Variants in ANKFN1 observed in about 807,000 individuals in gnomAD.
The protein encoded by ANKFN1 is ankyrin repeat and fibronectin type-III domain-containing protein 1.
ANKFN1 carries 74 observed loss-of-function variants against 108.7 expected under a neutral mutation model. That is an observed-to-expected ratio of 0.68 (90% CI 0.56 to 0.83). The LOEUF (loss-of-function observed/expected upper bound fraction) is 0.83, where lower values mean the gene tolerates loss of function less well. Among genes scored for constraint, ANKFN1 ranks in the 40% least tolerant of loss-of-function variants. The pLI, the probability that ANKFN1 is intolerant of heterozygous loss-of-function variation, is 0.00. For synonymous variants in ANKFN1, 547 were observed against 516.2 expected, an observed-to-expected ratio of 1.06 and a Z score of -0.81; for missense variants, 1,505 against 1,382.3, an observed-to-expected ratio of 1.09 and a Z score of -1.41.
At chr17:56,047,130 T>C (rs750616229) in intron 4 of ANKFN1, among the ~76,000 whole-genome samples, 32 of 152,192 alleles carry the variant, frequency 2.1e-4, no homozygotes, top group Admixed American at 3.3e-4. Flanking sequence ...CAGTGCTGTA[T>C]ACCTTTGGGT....
chr17:56,273,197 A>G (rs929371083), intron 3 of ANKFN1, among the ~76,000 whole-genome samples: 12 of 152,316 alleles, frequency 7.9e-5, no homozygotes, highest in Non-Finnish European at 1.6e-4. Flanking sequence ...GACTAAATTT[A>G]TATGTACCTT....
chr17:56,072,106 T>C lies in ANKFN1; in HGVS notation c.288+25781T>C, dbSNP rs16956629. ...CATGTCAGTAAGATTTTTGAGGCTA[T>C]TGGGATAAATCTGTATACAGTATTC... On this transcript the variant is annotated intron_variant, in intron 4 of 12. Coordinates refer to the ANKFN1 transcript ENST00000635860. Among the ~76,000 whole-genome samples, 10 of 152,348 alleles carry C rather than the reference T, an allele frequency of 6.6e-5. No homozygotes were observed. In the South Asian group the frequency reaches 1.4e-3, roughly 22 times the overall value.
chr17:56,279,713 G>A (rs1317993845), intron 3 of ANKFN1, among the ~76,000 whole-genome samples: 2 of 152,140 alleles, frequency 1.3e-5, no homozygotes, highest in African/African-American at 4.8e-5. Flanking sequence ...ATTAGGCTTG[G>A]GTTGGAAGCT....
At chr17:56,221,161 G>C (rs1029865106) in intron 2 of ANKFN1, among the ~76,000 whole-genome samples, 1 of 152,042 alleles carries the variant, frequency 6.6e-6, no homozygotes, top group Admixed American at 6.6e-5. Context: ...ACTTTTAAAT[G>C]ACCAGAACTC....
intron 1 of ANKFN1, among the ~76,000 whole-genome samples, chr17:56,201,088 C>G (rs746637637): frequency 1.3e-5 from 2 of 152,116 alleles, no homozygotes; most frequent in Non-Finnish European, 2.9e-5. Flanking sequence ...AAATGACCAC[C>G]CCATCATGTC....
intron 4 of ANKFN1, among the ~76,000 whole-genome samples, chr17:56,116,863 G>A (rs1906313981): frequency 6.6e-6 from 1 of 152,076 alleles, no homozygotes; most frequent in East Asian, 1.9e-4. Context: ...ACCTTTCTAG[G>A]GGATGGTGAC....
At chr17:56,426,263 C>T (rs1261610839) in intron 8 of ANKFN1, among the ~76,000 whole-genome samples, 7 of 152,186 alleles carry the variant, frequency 4.6e-5, no homozygotes, top group Non-Finnish European at 1.0e-4. Context: ...TCCTTTCTTT[C>T]AACCACATTC....
At position 56,507,115 on chromosome 17, in the gene ANKFN1, G is replaced by A. The variant is rs1214258673; in HGVS notation, c.2645-3358G>A. ...AGTCAATTATGAATTCTTTGCATGG[G>A]TCCTATTTCAAGAGCAATTTCAAAT... On this transcript the variant is annotated intron_variant, in intron 20 of 20. Transcript: ENST00000682825. Among the ~76,000 whole-genome samples the A allele has an allele frequency of 2.6e-5, 4 of 152,086 alleles. No individual in the cohort carries two copies. In the South Asian group the frequency reaches 8.3e-4, roughly 32 times the overall value.
chr17:56,134,465 C>G (rs1235643202), intron 4 of ANKFN1, among the ~76,000 whole-genome samples: 3 of 152,110 alleles, frequency 2.0e-5, no homozygotes, highest in Non-Finnish European at 4.4e-5. Context: ...GGCCCCTATC[C>G]AGGAGCCCAC....
chr17:56,091,217 G>T (rs1364659110), intron 4 of ANKFN1, among the ~76,000 whole-genome samples: 1 of 151,018 alleles, frequency 6.6e-6, no homozygotes, highest in East Asian at 1.9e-4. Flanking sequence ...AAAGAAGTTG[G>T]TAAATGGTTC....
chr17:56,111,521 C>CAA (rs201360564), intron 4 of ANKFN1, among the ~76,000 whole-genome samples: 9,634 of 101,534 alleles, frequency 0.095, 377 homozygotes, highest in Admixed American at 0.15. Context: ...TCATAAATGG[C>CAA]AAAAAAAAAA....
At chr17:56,278,859 T>C (rs1210810087) in intron 3 of ANKFN1, among the ~76,000 whole-genome samples, 1 of 152,214 alleles carries the variant, frequency 6.6e-6, no homozygotes, top group Admixed American at 6.5e-5. Flanking sequence ...CTTGAAGTGA[T>C]AAAAACTGTG....
intron 1 of ANKFN1, among the ~76,000 whole-genome samples, chr17:56,157,464 G>A (rs1171607132): frequency 5.3e-5 from 8 of 152,142 alleles, no homozygotes; most frequent in Admixed American, 2.0e-4. Context: ...AGCACACTGG[G>A]AAACAATGCT....
chr17:56,509,154 C>T (rs1039168939), intron 20 of ANKFN1, among the ~76,000 whole-genome samples: 3 of 152,172 alleles, frequency 2.0e-5, no homozygotes, highest in South Asian at 2.1e-4. Flanking sequence ...TATACAGATG[C>T]GCCACAATTT....
At chr17:56,462,779 A>G (rs8081597) in intron 14 of ANKFN1, among the ~76,000 whole-genome samples, 86,419 of 151,962 alleles carry the variant, frequency 0.57, 27,116 homozygotes, top group East Asian at 0.87. Context: ...AAAGCCTCCA[A>G]AGTCATCCCT....
rs1048170238 is a variant in ANKFN1 at position 56,127,828 on chromosome 17, A to G, written c.288+81503A>G. On this transcript the variant is annotated intron_variant, in intron 4 of 12. Transcript: ENST00000635860. ...TTTCAGCAAAGCTTGTTTGTGGAGAAAGGAAGAACTGGGGGCTAGGTAGTG... is the reference window on the plus strand; with the variant it reads ...TTTCAGCAAAGCTTGTTTGTGGAGAGAGGAAGAACTGGGGGCTAGGTAGTG... Among the ~76,000 whole-genome samples, 5 of 152,210 alleles carry G rather than the reference A, an allele frequency of 3.3e-5. No homozygotes were observed. The East Asian group carries it at 9.6e-4, about 29-fold the overall frequency.
Position 56,209,048 on chromosome 17 carries a change from C to A in ANKFN1, c.-70-3550C>A, listed in dbSNP as rs1598241610. On this transcript the variant is annotated intron_variant, in intron 1 of 20. Transcript: ENST00000682825. ...CACATGACTTTAAGAGCATTTAAAACTTTTCAGGTTTATATCCTCCAACCT... is the reference window on the plus strand; with the variant it reads ...CACATGACTTTAAGAGCATTTAAAAATTTTCAGGTTTATATCCTCCAACCT... Among the ~76,000 whole-genome samples, 3 of 152,238 alleles carry A rather than the reference C, an allele frequency of 2.0e-5. No individual in the cohort carries two copies. The East Asian group carries it at 5.8e-4, about 29-fold the overall frequency.
intron 3 of ANKFN1, among the ~76,000 whole-genome samples, chr17:56,270,032 C>A (rs1395142543): frequency 6.6e-6 from 1 of 152,196 alleles, no homozygotes; most frequent in East Asian, 1.9e-4. Context: ...GAATATTTTC[C>A]TTTCCTTTTA....
At chr17:56,491,874 A>G (rs1307268598) in intron 18 of ANKFN1, among the ~76,000 whole-genome samples, 3 of 152,150 alleles carry the variant, frequency 2.0e-5, no homozygotes, top group Admixed American at 2.0e-4. Flanking sequence ...ATGTGTGTGT[A>G]TATGTGTGTG....
Sources: allele counts gnomAD v4.1 joint callset (sites outside exome capture counted in the v4.1 genomes callset), GRCh38; gene constraint gnomAD v4.1.1; transcripts MANE v1.5; gene names NCBI Gene and HGNC (gene_info 2026-07-23, HGNC 2026-07-21).